The following CACNA1C variants were observed in gnomAD, a reference collection of about 807,000 sequenced individuals.
CACNA1C encodes voltage-dependent L-type calcium channel subunit alpha-1C.
Under a neutral mutation model 229.0 loss-of-function variants are expected in CACNA1C, and 30 were observed. That is an observed-to-expected ratio of 0.13 (90% confidence interval 0.10 to 0.18). The LOEUF (loss-of-function observed/expected upper bound fraction) is 0.18. CACNA1C is among the 10% of genes least tolerant of loss of function. The probability of loss-of-function intolerance (pLI) is 1.00; values close to 1 mark genes in which losing one functional copy is unlikely to be tolerated. For synonymous variants in CACNA1C, 1,114 were observed against 1,132.5 expected (o/e 0.98, Z 0.33); for missense variants, 1,658 against 2,845.0 (o/e 0.58, Z 9.49).
chr12:2,337,486 G>A (rs918076049), intron 3 of CACNA1C, among the ~76,000 whole-genome samples: 7 of 152,126 alleles, frequency 4.6e-5, no homozygotes, highest in Non-Finnish European at 1.0e-4. Flanking sequence ...TGTGTTTTTC[G>A]CTGGTGTTTA....
Position 2,116,332 on chromosome 12 carries a change from A to C in CACNA1C, c.371+787A>C, listed in dbSNP as rs139112264. On this transcript the variant is annotated intron_variant, in intron 2 of 46. Transcript: ENST00000399655. ...CTCGCTGTGGAGTTACAAGCCCCTT[A>C]CTTCATCAGAATCCTGGGGCTGTAG... Among the ~76,000 whole-genome samples the C allele has an allele frequency of 7.6e-3, 1,147 of 151,248 alleles. 8 individuals carry two copies. Among genetic ancestry groups the C allele is most frequent in the Middle Eastern group, 0.018 (5 of 282 alleles).
chr12:2,538,918 G>A (rs1215013716), intron 9 of CACNA1C, among the ~76,000 whole-genome samples: 1 of 152,204 alleles, frequency 6.6e-6, no homozygotes. Context: ...CTGCGGTGGG[G>A]CTGGAGCAAC....
At chr12:2,144,861 A>G (rs753817462) in intron 3 of CACNA1C, among the ~76,000 whole-genome samples, 1 of 151,286 alleles carries the variant, frequency 6.6e-6, no homozygotes, top group Non-Finnish European at 1.5e-5. Flanking sequence ...AGGAGGACCT[A>G]CAAATCTTCA....
intron 3 of CACNA1C, among the ~76,000 whole-genome samples, chr12:2,286,298 G>GA (rs2092665328): frequency 6.6e-6 from 1 of 152,234 alleles, no homozygotes; most frequent in East Asian, 1.9e-4. Flanking sequence ...TAGGAAGCAA[G>GA]AACCTTAATT....
At position 2,203,101 on chromosome 12, in the gene CACNA1C, A is replaced by G. The variant is rs562847525; in HGVS notation, c.477+82671A>G. ...TGATTTCCATGCTGGGGGTGTAGCC[A>G]TGCATACCCTGTCTATAGTGAAACG... On this transcript the variant is annotated intron_variant, in intron 3 of 46. Coordinates refer to ENST00000399655, the MANE Select transcript of CACNA1C (RefSeq NM_000719.7). Among the ~76,000 whole-genome samples the G allele has an allele frequency of 2.4e-4, 36 of 152,180 alleles. 1 individual carries two copies. Among genetic ancestry groups the G allele is most frequent in the Non-Finnish European group, 4.3e-4 (29 of 68,016 alleles).
Position 2,275,854 on chromosome 12 carries a change from G to A in CACNA1C, c.477+155424G>A, listed in dbSNP as rs896052855. On this transcript the variant is annotated intron_variant, in intron 3 of 46. Coordinates refer to ENST00000399655, the MANE Select transcript of CACNA1C (RefSeq NM_000719.7). The surrounding 1 kb of genome is among the most constrained non-coding windows in gnomAD (Gnocchi z 4.1). ...TTCTTTGGTGAAGCTTGTCTGCAGCGAGCCCTCAAAAAACATGGGTTTTGA... is the reference window on the plus strand; with the variant it reads ...TTCTTTGGTGAAGCTTGTCTGCAGCAAGCCCTCAAAAAACATGGGTTTTGA... 6.0e-5 allele frequency among the ~76,000 whole-genome samples: 9 copies of A among 150,320 alleles called. No homozygotes were observed. Among genetic ancestry groups the A allele is most frequent in the Middle Eastern group, 3.2e-3 (1 of 314 alleles).
intron 3 of CACNA1C, among the ~76,000 whole-genome samples, chr12:2,345,849 C>A (rs1424633607): frequency 2.0e-5 from 3 of 152,134 alleles, no homozygotes; most frequent in African/African-American, 7.2e-5. Flanking sequence ...GATGTTTATG[C>A]TTTTGAACCT....
chr12:1,989,042 T>G (rs2429121), intron 1 of CACNA1C, among the ~76,000 whole-genome samples: 2,898 of 152,350 alleles, frequency 0.019, 90 homozygotes, highest in African/African-American at 0.065. Context: ...ATTGCAATCC[T>G]ATAACTGTGG....
At chr12:2,551,326 GAT>G (rs1205014322) in intron 10 of CACNA1C, among the ~76,000 whole-genome samples, 1 of 152,220 alleles carries the variant, frequency 6.6e-6, no homozygotes, top group African/African-American at 2.4e-5. Flanking sequence ...AAGGAAACAT[GAT>G]ATTCCCCCAC....
chr12:2,391,254 G>A (rs920707160), intron 3 of CACNA1C, among the ~76,000 whole-genome samples: 12 of 152,158 alleles, frequency 7.9e-5, no homozygotes, highest in Admixed American at 3.9e-4. Context: ...ACACGGACAC[G>A]TCCATTAGGA....
intron 3 of CACNA1C, among the ~76,000 whole-genome samples, chr12:2,421,010 AG>A (rs1290991181): frequency 6.6e-6 from 1 of 152,182 alleles, no homozygotes; most frequent in Non-Finnish European, 1.5e-5. Flanking sequence ...TGGCCATAAT[AG>A]CTAAGAAGGT....
chr12:2,549,746 G>C (rs917367562), intron 9 of CACNA1C, among the ~76,000 whole-genome samples, 197 bp from the exon 10 acceptor site: 1 of 152,104 alleles, frequency 6.6e-6, no homozygotes, highest in Non-Finnish European at 1.5e-5. Context: ...AGTGTTCTTG[G>C]CGGCAAAACC....
Position 2,309,599 on chromosome 12 carries a change from T to A in CACNA1C, c.478-139377T>A, listed in dbSNP as rs560493099. On this transcript the variant is annotated intron_variant, in intron 3 of 46. Coordinates refer to ENST00000399655, the MANE Select transcript of CACNA1C (RefSeq NM_000719.7). ...CATCATGTTGTACACCTTAAATATA[T>A]ACAATTTTTTAATTTGTCAGTTATA... Among the ~76,000 whole-genome samples the A allele has an allele frequency of 7.9e-4, 120 of 152,324 alleles. 2 individuals carry two copies. The South Asian group carries it at 0.015, about 18-fold the overall frequency.
chr12:2,102,447 G>A (rs1439293947), intron 1 of CACNA1C, among the ~76,000 whole-genome samples: 1 of 152,088 alleles, frequency 6.6e-6, no homozygotes, highest in African/African-American at 2.4e-5. Flanking sequence ...CCAGTGTCTG[G>A]GTCCCCTCAG....
intron 3 of CACNA1C, among the ~76,000 whole-genome samples, chr12:2,332,685 G>A (rs2096582078): frequency 6.6e-6 from 1 of 152,234 alleles, no homozygotes; most frequent in Non-Finnish European, 1.5e-5. Flanking sequence ...GCCCTACCAT[G>A]GAATAGGATG....
chr12:2,007,893 C>G (rs2043740491), intron 1 of CACNA1C, among the ~76,000 whole-genome samples: 1 of 152,100 alleles, frequency 6.6e-6, no homozygotes, highest in Non-Finnish European at 1.5e-5. Flanking sequence ...TCTTGTGGCA[C>G]TTAGCTCACT....
chr12:2,101,480 ATCG>A lies in CACNA1C; in HGVS notation c.50-13738_50-13736del, dbSNP rs143714721. Among the ~76,000 whole-genome samples, 1,199 of 152,294 alleles carry A rather than the reference ATCG, an allele frequency of 7.9e-3. 18 individuals carry two copies. Among genetic ancestry groups the A allele is most frequent in the African/African-American group, 0.027 (1,139 of 41,566 alleles). On this transcript the variant is annotated intron_variant, in intron 1 of 46. Transcript: ENST00000399655. ...GTGGGGCTGTGGGAGCTACAGCTCC[ATCG>A]TCGTCCTCACCGTGCAGAACAGAAA...
At chr12:2,438,359 A>ATGAGGGTGGTGGTGG (rs2099174013) in intron 3 of CACNA1C, among the ~76,000 whole-genome samples, 1 of 137,158 alleles carries the variant, frequency 7.3e-6, no homozygotes, top group Non-Finnish European at 1.6e-5. Context: ...GGTGGTGGTA[A>ATGAGGGTGGTGGTGG]TGATGGTGGT....
chr12:2,245,915 G>T (rs1476661961), intron 3 of CACNA1C, among the ~76,000 whole-genome samples: 1 of 152,096 alleles, frequency 6.6e-6, no homozygotes, highest in African/African-American at 2.4e-5. Flanking sequence ...AATGCATTTG[G>T]CCCCAAGGGT....
Sources: gnomAD v4.1 joint callset for allele counts (sites outside exome capture counted in the v4.1 genomes callset) on GRCh38, gnomAD v4.1.1 for gene constraint, Gnocchi (gnomAD v3.1) non-coding constraint, MANE v1.5 for transcripts, NCBI Gene and HGNC (gene_info 2026-07-23, HGNC 2026-07-21) for gene names.